The following PXT1 variants were observed in gnomAD, a reference collection of about 807,000 sequenced individuals.
PXT1 encodes the protein peroxisomal testis-specific protein 1.
Under a neutral mutation model 11.0 loss-of-function variants are expected in PXT1, and 11 were observed. The observed-to-expected ratio is 1.00, with a 90% confidence interval of 0.63 to 1.66. The LOEUF (loss-of-function observed/expected upper bound fraction) is 1.66. Among genes scored for constraint, PXT1 ranks in the 40% most tolerant of loss-of-function variants. The pLI is 0.00. For missense variants in PXT1, 141 were observed against 155.5 expected (o/e 0.91, Z 0.49); for synonymous variants, 43 against 51.4 (o/e 0.84, Z 0.70).
In PXT1 at chr6:36,391,291, C is replaced by G. The variant is rs999087580; in HGVS notation, c.*479G>C. 1 of 154,692 alleles carries G rather than the reference C, an allele frequency of 6.5e-6. No homozygotes were observed. The highest frequency in any genetic ancestry group is 1.4e-5 in the Non-Finnish European group (1 of 70,156). The allele number at this position is 154,692 out of a possible 1,614,324, so 9.6% of individuals were successfully genotyped here. A position where few individuals can be genotyped will look rare whatever the true frequency, so the allele number is the denominator to read the frequency against. On this transcript the variant is annotated 3_prime_UTR_variant, in exon 5 of 5. Coordinates refer to ENST00000454782, the MANE Select transcript of PXT1 (RefSeq NM_152990.4). ...TTGGGGCAGGGAGGTGACATGTCAC[C>G]GAGAAGGAGAAGCTGGCACTGCAGA...
chr6:36,400,501 G>A lies in PXT1; in HGVS notation c.253C>T (p.Gln85Ter). 1 of 1,613,990 alleles carries A rather than the reference G, an allele frequency of 6.2e-7. No homozygotes were observed. The highest frequency in any genetic ancestry group is 1.1e-5 in the South Asian group (1 of 91,080). ...ATGTTGTCCCCAATGTGTCTCAGCT[G>A]CATGGCCAACTTGTGAATTATTTCC... is the stretch of plus-strand genomic sequence containing the variant. Reference protein sequence around the residue: ...QEEIIHKLAMQLRHIGDNIDH... With the variant: ...QEEIIHKLAM Residue 85 changes from glutamine to a stop codon, truncating the protein, a stop_gained, in exon 4 of 5, where the codon CAG (glutamine) becomes TAG (stop). Coordinates refer to ENST00000454782, the MANE Select transcript of PXT1 (RefSeq NM_152990.4). LOFTEE classifies it low-confidence loss of function (END_TRUNC).
At chr6:36,418,391 T>C (rs1774481193) in intron 3 of PXT1, among the ~76,000 whole-genome samples, 1 of 151,914 alleles carries the variant, frequency 6.6e-6, no homozygotes, top group Non-Finnish European at 1.5e-5. Context: ...GGGGTGGAGG[T>C]GAAAAGGACA....
rs2127421000 is a variant in PXT1, at chr6:36,442,620, G to C, written c.-215C>G. The stretch of plus-strand genomic sequence containing the variant: ...ATGTATATCCAGGGTAGTGACTTTC[G>C]AGCAAATGCGTTTAAGCAACTCCAG... On this transcript the variant is annotated 5_prime_UTR_variant, in exon 1 of 5. Coordinates refer to ENST00000454782, the MANE Select transcript of PXT1 (RefSeq NM_152990.4). 6.6e-6 allele frequency: 1 copy of C among 152,094 alleles called. No homozygotes were observed. Among genetic ancestry groups the C allele is most frequent in the East Asian group, 1.9e-4 (1 of 5,174 alleles). The allele number at this position is 152,094 out of a possible 1,614,324, so 9.4% of individuals were successfully genotyped here.
chr6:36,406,852 G>A (rs570033230), intron 3 of PXT1, among the ~76,000 whole-genome samples: 1 of 149,778 alleles, frequency 6.7e-6, no homozygotes, highest in Non-Finnish European at 1.5e-5. Flanking sequence ...GGGCCCCAGC[G>A]CCAGCCTGCC....
intron 4 of PXT1, among the ~76,000 whole-genome samples, chr6:36,394,708 A>G (rs1774115888): frequency 7.8e-6 from 1 of 127,976 alleles, no homozygotes; most frequent in South Asian, 2.5e-4. Flanking sequence ...ATCTAGAAAA[A>G]GCATATGTCC....
intron 3 of PXT1, among the ~76,000 whole-genome samples, chr6:36,406,081 G>C (rs905242191): frequency 6.6e-6 from 1 of 152,200 alleles, no homozygotes; most frequent in Non-Finnish European, 1.5e-5. Flanking sequence ...TGATGATCCA[G>C]ATTCCTAAAA....
At chr6:36,401,908 T>C (rs1347894521) in intron 3 of PXT1, among the ~76,000 whole-genome samples, 1 of 148,306 alleles carries the variant, frequency 6.7e-6, no homozygotes, top group South Asian at 2.1e-4. Flanking sequence ...ATATATATAA[T>C]GGAAAATCTA....
chr6:36,406,734 C>A (rs1193045907), intron 3 of PXT1, among the ~76,000 whole-genome samples: 5 of 151,828 alleles, frequency 3.3e-5, no homozygotes, highest in African/African-American at 7.3e-5. Context: ...TCGCTTGAAC[C>A]CGGGAGGTAG....
intron 4 of PXT1, among the ~76,000 whole-genome samples, chr6:36,396,905 G>A (rs1236513664): frequency 6.6e-6 from 1 of 152,134 alleles, no homozygotes; most frequent in African/African-American, 2.4e-5. Flanking sequence ...CCTGCTGGCA[G>A]AGAGGAGCCA....
At chr6:36,423,351 G>C (rs1012765228) in intron 3 of PXT1, among the ~76,000 whole-genome samples, 1 of 152,266 alleles carries the variant, frequency 6.6e-6, no homozygotes, top group African/African-American at 2.4e-5. Context: ...CTGGGCGCGC[G>C]ACCCGCGCAA....
chr6:36,401,886 A>G (rs1561925600), intron 3 of PXT1, among the ~76,000 whole-genome samples: 1 of 148,532 alleles, frequency 6.7e-6, no homozygotes, highest in African/African-American at 2.5e-5. Flanking sequence ...TATATTATAT[A>G]TGTGTGTGTA....
chr6:36,436,175 G>T (rs1448777174), intron 2 of PXT1, among the ~76,000 whole-genome samples: 1 of 117,952 alleles, frequency 8.5e-6, no homozygotes, highest in Non-Finnish European at 1.7e-5. Flanking sequence ...CACAAAATAA[G>T]AAAAGATACA....
At chr6:36,437,996 T>G (rs1774792500) in intron 2 of PXT1, among the ~76,000 whole-genome samples, 1 of 151,686 alleles carries the variant, frequency 6.6e-6, no homozygotes, top group Admixed American at 6.6e-5. Context: ...ATTTTTGTAT[T>G]TTTAGTAGAG....
chr6:36,423,435 G>A (rs973000580), intron 3 of PXT1, among the ~76,000 whole-genome samples: 14 of 152,200 alleles, frequency 9.2e-5, no homozygotes, highest in Middle Eastern at 6.4e-3. Flanking sequence ...CAGGTTAGGC[G>A]ATAGAGGTCA....
chr6:36,425,800 C>CAAAAACAAACAAACAAACA (rs1433662209), intron 3 of PXT1, 114 bp downstream of exon 3: 104 of 216,706 alleles, frequency 4.8e-4, no homozygotes, highest in African/African-American at 3.4e-3. Context: ...AAAACAAAAA[C>CAAAAACAAACAAACAAACA]AAAAAATATA....
At position 36,408,666 on chromosome 6, in the gene PXT1, GA is replaced by G. The variant is rs1237051774; in HGVS notation, c.170-8083del. Among the ~76,000 whole-genome samples the G allele has an allele frequency of 3.6e-5, 5 of 140,722 alleles. 1 individual carries two copies. The highest frequency in any genetic ancestry group is 7.6e-3 in the Middle Eastern group (2 of 262). The allele number at this position is 140,722 out of a possible 152,430, so 92.3% of individuals were successfully genotyped here. A position where few individuals can be genotyped will look rare whatever the true frequency, so the allele number is the denominator to read the frequency against. ...GGATCCCTTGAGCCCAGGAGTTCAG[GA>G]CCAGCCTAGGCAACACAGGGAGAGC... On this transcript the variant is annotated intron_variant, in intron 3 of 4. Transcript: ENST00000454782.
chr6:36,426,559 A>C (rs1009589380), intron 2 of PXT1, among the ~76,000 whole-genome samples: 239 of 151,898 alleles, frequency 1.6e-3, no homozygotes, highest in African/African-American at 5.3e-3. Flanking sequence ...TAGTAGAAAC[A>C]GGGTTTCACC....
intron 1 of PXT1, among the ~76,000 whole-genome samples, chr6:36,439,696 G>A (rs532398858): frequency 2.0e-5 from 3 of 149,050 alleles, no homozygotes; most frequent in East Asian, 4.0e-4. Flanking sequence ...GTTCAAGAAT[G>A]AGACTTGTGT....
intron 4 of PXT1, among the ~76,000 whole-genome samples, chr6:36,396,612 G>A (rs1427370324): frequency 6.6e-6 from 1 of 152,196 alleles, no homozygotes; most frequent in Non-Finnish European, 1.5e-5. Context: ...TGGGGGCTAG[G>A]CTGCCAGTCC....
Sources: gnomAD v4.1 joint callset for allele counts (sites outside exome capture counted in the v4.1 genomes callset) on GRCh38, gnomAD v4.1.1 for gene constraint, MANE v1.5 for transcripts, NCBI Gene and HGNC (gene_info 2026-07-23, HGNC 2026-07-21) for gene names.